R3HDM1: variants seen among roughly 807,000 people sequenced by gnomAD.
The protein encoded by R3HDM1 is R3H domain containing 1.
Under a neutral mutation model 141.1 loss-of-function variants are expected in R3HDM1, and 46 were observed. The observed-to-expected ratio is 0.33, with a 90% CI of 0.26 to 0.42. The LOEUF is 0.42. Among genes scored for constraint, R3HDM1 ranks in the 10% least tolerant of loss-of-function variants. The pLI, the probability that R3HDM1 is intolerant of heterozygous loss-of-function variation, is 1.00. For missense variants in R3HDM1, 1,184 were observed against 1,368.3 expected (o/e 0.87, Z 2.12); for synonymous variants, 435 against 472.9 (o/e 0.92, Z 1.04).
At chr2:135,695,472 T>G (rs1481552456) in intron 21 of R3HDM1, among the ~76,000 whole-genome samples, 4 of 152,186 alleles carry the variant, frequency 2.6e-5, no homozygotes, top group African/African-American at 9.7e-5. Flanking sequence ...AAAAAAATAT[T>G]TGAGTAAGTG....
intron 22 of R3HDM1, 25 bp from the exon 23 acceptor site, chr2:135,710,027 CTGACTAT>C: frequency 1.3e-6 from 2 of 1,587,704 alleles, no homozygotes; most frequent in Non-Finnish European, 1.7e-6. Context: ...CTAAAATATT[CTGACTAT>C]AGCATCCTAA....
chr2:135,622,085 T>C (rs1169844010), intron 6 of R3HDM1: 5 of 983,214 alleles, frequency 5.1e-6, no homozygotes, highest in African/African-American at 1.7e-5. Context: ...AACCCAGTTA[T>C]GTTGACCAGT....
intron 7 of R3HDM1, among the ~76,000 whole-genome samples, chr2:135,625,453 A>G (rs2061920115): frequency 6.6e-6 from 1 of 152,224 alleles, no homozygotes. Context: ...CTCAAAATAA[A>G]TGAATGAATT....
chr2:135,714,982 G>GC, intron 23 of R3HDM1, among the ~76,000 whole-genome samples: 1 of 152,188 alleles, frequency 6.6e-6, no homozygotes, highest in Non-Finnish European at 1.5e-5. Context: ...AGGTACAAAA[G>GC]CAAGTTTTGA....
intron 18 of R3HDM1, among the ~76,000 whole-genome samples, chr2:135,654,047 C>A (rs2065469557): frequency 6.6e-6 from 1 of 152,092 alleles, no homozygotes; most frequent in Non-Finnish European, 1.5e-5. Context: ...CAGTGTTGTA[C>A]AACCACCACT....
chr2:135,642,326 T>G (rs928430792), intron 15 of R3HDM1, among the ~76,000 whole-genome samples: 14 of 152,182 alleles, frequency 9.2e-5, no homozygotes, highest in African/African-American at 3.1e-4. Flanking sequence ...GTATTAATAT[T>G]GACAATACAT....
intron 1 of R3HDM1, chr2:135,590,599 G>A (rs1167199890): frequency 3.0e-6 from 3 of 985,246 alleles, no homozygotes; most frequent in Non-Finnish European, 3.6e-6. Flanking sequence ...GCCATAGGAA[G>A]TTGAGCCAAT....
chr2:135,560,928 AATAAAT>A (rs1049844665), intron 1 of R3HDM1, among the ~76,000 whole-genome samples: 5 of 152,242 alleles, frequency 3.3e-5, no homozygotes, highest in African/African-American at 7.2e-5. Context: ...GAAGGCAGAT[AATAAAT>A]ATAAATATAA....
chr2:135,613,994 T>C (rs191881229), intron 3 of R3HDM1, among the ~76,000 whole-genome samples: 3 of 152,354 alleles, frequency 2.0e-5, no homozygotes, highest in Admixed American at 1.3e-4. Context: ...TCTGAAGATA[T>C]GGGGTTCTGT....
At chr2:135,566,485 G>A (rs7558256) in intron 1 of R3HDM1, among the ~76,000 whole-genome samples, 3 of 152,134 alleles carry the variant, frequency 2.0e-5, no homozygotes, top group Non-Finnish European at 2.9e-5. Context: ...TTGAGAACTC[G>A]GAAATTTTGT....
intron 19 of R3HDM1, chr2:135,665,426 G>C (rs1421580157): frequency 1.9e-6 from 1 of 533,650 alleles, no homozygotes; most frequent in Non-Finnish European, 3.9e-6. Flanking sequence ...CCGTAGCACT[G>C]TCTGAGAGGT....
At chr2:135,607,418 C>T (rs886814315) in intron 3 of R3HDM1, 2 of 791,580 alleles carry the variant, frequency 2.5e-6, no homozygotes, top group Non-Finnish European at 3.1e-6. Context: ...CATTTAGGCC[C>T]CACTTATAGT....
At chr2:135,572,776 A>G (rs1461529801) in intron 1 of R3HDM1, among the ~76,000 whole-genome samples, 1 of 152,252 alleles carries the variant, frequency 6.6e-6, no homozygotes, top group Non-Finnish European at 1.5e-5. Context: ...TCAGCTGACA[A>G]ATGGATAAAC....
chr2:135,704,150 T>G, intron 21 of R3HDM1, among the ~76,000 whole-genome samples: 1 of 152,068 alleles, frequency 6.6e-6, no homozygotes, highest in South Asian at 2.1e-4. Flanking sequence ...CCAGCTAATT[T>G]TTGTATTTTT....
At chr2:135,568,171 C>T (rs1307337831) in intron 1 of R3HDM1, among the ~76,000 whole-genome samples, 8 of 152,044 alleles carry the variant, frequency 5.3e-5, no homozygotes. Flanking sequence ...ATTCTCCCAC[C>T]TCAGCCTCAC....
chr2:135,626,985 C>CT lies in R3HDM1; in HGVS notation c.497+4260dup, dbSNP rs575010481. 3.9e-3 allele frequency among the ~76,000 whole-genome samples: 596 copies of CT among 152,020 alleles called. 7 individuals are homozygous for CT. Among genetic ancestry groups the CT allele is most frequent in the South Asian group, 0.025 (122 of 4,814 alleles). ...GGTTCATCCATATTGTAGCATGTAC[C>CT]TTTTTTTATTCCTTCTGTGTATGCA... On this transcript the variant is annotated intron_variant, in intron 7 of 26. Transcript: ENST00000683871.
At chr2:135,716,888 G>A (rs958488155) in intron 24 of R3HDM1, among the ~76,000 whole-genome samples, 60 of 152,088 alleles carry the variant, frequency 3.9e-4, no homozygotes, top group Non-Finnish European at 7.2e-4. Flanking sequence ...GGCGGCAGAG[G>A]CTGCAGTGAG....
chr2:135,648,806 A>T (rs1237463678), intron 16 of R3HDM1, among the ~76,000 whole-genome samples: 7 of 150,942 alleles, frequency 4.6e-5, no homozygotes, highest in African/African-American at 1.7e-4. Context: ...CCTGTGTTTG[A>T]GTGCCCCTGG....
intron 24 of R3HDM1, among the ~76,000 whole-genome samples, chr2:135,717,440 C>T (rs2076276552): frequency 6.6e-6 from 1 of 151,044 alleles, no homozygotes; most frequent in African/African-American, 2.4e-5. Context: ...GCCAAGATCG[C>T]ACCACTGCAC....
Sources: allele counts gnomAD v4.1 joint callset (sites outside exome capture counted in the v4.1 genomes callset), GRCh38; gene constraint gnomAD v4.1.1; transcripts MANE v1.5; gene names NCBI Gene and HGNC (gene_info 2026-07-23, HGNC 2026-07-21).